Variants in MROH2B observed in about 807,000 individuals in gnomAD.
MROH2B encodes the protein maestro heat like repeat family member 2B.
Under a neutral mutation model 208.6 loss-of-function variants are expected in MROH2B, and 177 were observed. The observed-to-expected ratio is 0.85, with a 90% CI of 0.75 to 0.96. The LOEUF is 0.96. Among genes scored for constraint, MROH2B ranks in the 40% least tolerant of loss-of-function variants. The pLI is 0.00. For missense variants in MROH2B, 2,002 were observed against 1,878.7 expected (o/e 1.07, Z -1.21); for synonymous variants, 728 against 659.0 (o/e 1.10, Z -1.60).
intron 24 of MROH2B, among the ~76,000 whole-genome samples, chr5:41,022,367 G>T (rs62357105): frequency 0.16 from 23,737 of 152,098 alleles, 1,952 homozygotes; most frequent in East Asian, 0.26. Flanking sequence ...TGTGCTTTTC[G>T]CATGGTCTTA....
chr5:41,040,768 C>A (rs781357055), intron 19 of MROH2B, among the ~76,000 whole-genome samples: 1 of 152,054 alleles, frequency 6.6e-6, no homozygotes, highest in African/African-American at 2.4e-5. Flanking sequence ...TGGGTTCACG[C>A]GATTCTCTTG....
intron 30 of MROH2B, among the ~76,000 whole-genome samples, chr5:41,011,906 G>A (rs2111839893): frequency 6.6e-6 from 1 of 152,320 alleles, no homozygotes; most frequent in African/African-American, 2.4e-5. Context: ...GTCCTCAAGT[G>A]ATCCACCTGC....
rs1742330123 is a variant in MROH2B at position 41,025,685 on chromosome 5, T to G, written c.2442-6667A>C. 2.0e-5 allele frequency among the ~76,000 whole-genome samples: 3 copies of G among 152,316 alleles called. No individual in the cohort carries two copies. In the South Asian group the frequency reaches 6.2e-4, roughly 32 times the overall value. On this transcript the variant is annotated intron_variant, in intron 24 of 41. Coordinates refer to ENST00000399564, the MANE Select transcript of MROH2B (RefSeq NM_173489.5). ...AGGGAATCCTCCCTAACTCATTTTA[T>G]GAGGCCAGCATCATCCTGATACCAA... is the stretch of plus-strand genomic sequence containing the variant.
Position 41,038,724 on chromosome 5 carries a change from A to C in MROH2B, c.2214+12T>G. ...AGCCTAGAAATGGAGGCAGCCATGCAACGGGCATTACCTGAGAGCACTGGC... is the reference window on the plus strand; with the variant it reads ...AGCCTAGAAATGGAGGCAGCCATGCCACGGGCATTACCTGAGAGCACTGGC... On this transcript the variant is annotated intron_variant, in intron 21 of 41. Coordinates refer to ENST00000399564, the MANE Select transcript of MROH2B (RefSeq NM_173489.5). The C allele has an allele frequency of 1.9e-6, 3 of 1,594,748 alleles. No homozygotes were observed. Among genetic ancestry groups the C allele is most frequent in the Non-Finnish European group, 2.6e-6 (3 of 1,168,270 alleles).
At chr5:41,038,347 G>C (rs938877147) in intron 21 of MROH2B, among the ~76,000 whole-genome samples, 3 of 152,110 alleles carry the variant, frequency 2.0e-5, no homozygotes, top group Non-Finnish European at 2.9e-5. Flanking sequence ...TGATTGACCT[G>C]GGACAATCAC....
chr5:41,004,745 G>A, intron 36 of MROH2B, 29 bp downstream of exon 36: 1 of 1,599,606 alleles, frequency 6.3e-7, no homozygotes, highest in Non-Finnish European at 8.5e-7. Context: ...CTACTTAAAT[G>A]AACCATTTCC....
In MROH2B at chr5:41,018,671, T is replaced by G. The variant is rs1465575322; in HGVS notation, c.2673+20A>C. 2 of 1,610,610 alleles carry G rather than the reference T, an allele frequency of 1.2e-6. No individual in the cohort carries two copies. Among genetic ancestry groups the G allele is most frequent in the African/African-American group, 1.3e-5 (1 of 74,854 alleles). On this transcript the variant is annotated intron_variant, in intron 26 of 41. Transcript: ENST00000399564. ...AGATTAGGGAGAATGAGAATCAGTT[T>G]GAGTGGAGGCTCTACTCACATTAAA...
At chr5:41,045,609 G>A in intron 18 of MROH2B, 137 bp downstream of exon 18, 1 of 642,172 alleles carries the variant, frequency 1.6e-6, no homozygotes, top group Non-Finnish European at 2.7e-6. Flanking sequence ...TCAGCTAGTG[G>A]CCTTAAAAAG....
At position 40,998,064 on chromosome 5, in the gene MROH2B, G is replaced by A; in HGVS notation, c.4746C>T (p.Ser1582=). 2 of 1,609,458 alleles carry A rather than the reference G, an allele frequency of 1.2e-6. No homozygotes were observed. The highest frequency in any genetic ancestry group is 1.7e-6 in the Non-Finnish European group (2 of 1,176,448). Residue 1582 remains serine, a synonymous_variant, in exon 42 of 42, where the codon AGC becomes AGT. Transcript: ENST00000399564. ...QTLLRRCKET[S]IPL ...ATTTCTTGATGGCTTACAGAGGAAT[G>A]CTTGTCTCTTTACACCTTCTCAGGA...
chr5:41,014,440 G>C (rs1287393334), intron 29 of MROH2B, among the ~76,000 whole-genome samples: 1 of 152,144 alleles, frequency 6.6e-6, no homozygotes, highest in Non-Finnish European at 1.5e-5. Context: ...CCTGTTGTGG[G>C]GTAGGGGGGT....
chr5:41,006,767 T>C (rs1741606767), intron 34 of MROH2B, among the ~76,000 whole-genome samples: 1 of 152,138 alleles, frequency 6.6e-6, no homozygotes, highest in Admixed American at 6.5e-5. Context: ...TTCTGTCTCA[T>C]ATGTGGGAGC....
intron 24 of MROH2B, among the ~76,000 whole-genome samples, chr5:41,019,917 G>A (rs1234717225): frequency 2.0e-5 from 3 of 152,120 alleles, no homozygotes; most frequent in Admixed American, 1.3e-4. Context: ...AAACACTGAT[G>A]GTTATATAAC....
At chr5:41,029,267 C>A (rs1742484047) in intron 24 of MROH2B, among the ~76,000 whole-genome samples, 1 of 152,074 alleles carries the variant, frequency 6.6e-6, no homozygotes, top group Non-Finnish European at 1.5e-5. Context: ...ATTTGCATAT[C>A]TTCTTTTGAG....
chr5:41,000,765 C>A lies in MROH2B; in HGVS notation c.4263G>T (p.Arg1421Ser), dbSNP rs756512493. The change falls in exon 38 of 42, where the codon AGG becomes AGT. Residue 1421 changes from arginine (R) to serine (S), a missense_variant. Physicochemically the swap from Arg to Ser is moderately radical, Grantham distance 110 (BLOSUM62 -1). Transcript: ENST00000399564. ...TTTCTTCAGCAAAAAAAATCTTCCA[C>A]CTTCTTCCTGTTAGGGGTGCCAGGT... Reference protein sequence around the residue: ...FEDLAPLTGRRWKIFFAEEIK... With the variant: ...FEDLAPLTGRSWKIFFAEEIK... 1.9e-6 allele frequency: 3 copies of A among 1,611,304 alleles called. No homozygotes were observed. In the African/African-American group the frequency reaches 4.0e-5, roughly 22 times the overall value.
intron 6 of MROH2B, among the ~76,000 whole-genome samples, chr5:41,059,425 T>C (rs950074975): frequency 2.6e-5 from 4 of 152,216 alleles, no homozygotes; most frequent in Admixed American, 2.0e-4. Flanking sequence ...AATTTTAATT[T>C]CTTAAAAATT....
intron 24 of MROH2B, among the ~76,000 whole-genome samples, chr5:41,024,113 G>A (rs1407791873): frequency 6.6e-6 from 1 of 152,196 alleles, no homozygotes; most frequent in Non-Finnish European, 1.5e-5. Context: ...AGGCTAGGAA[G>A]AAACTGCATC....
chr5:41,008,967 C>G (rs960291043), intron 32 of MROH2B, among the ~76,000 whole-genome samples, 174 bp from the exon 33 acceptor site: 2 of 152,158 alleles, frequency 1.3e-5, no homozygotes, highest in African/African-American at 4.8e-5. Context: ...CTGTGACTGC[C>G]AGGGGACACT....
rs1483032169 is a variant in MROH2B, at chr5:41,000,837, T to C, written c.4195-4A>G. On this transcript the variant is annotated splice_polypyrimidine_tract_variant and splice_region_variant and intron_variant, in intron 37 of 41. Transcript: ENST00000399564. The stretch of plus-strand genomic sequence containing the variant: ...TCAATCTCACATCATCCTGCTCCTG[T>C]GGTGACGAATGCATGTCGTGGTGAA... 9 of 1,607,352 alleles carry C rather than the reference T, an allele frequency of 5.6e-6. No individual in the cohort carries two copies. In the East Asian group the frequency reaches 6.7e-5, roughly 12 times the overall value.
At chr5:41,033,768 C>G (rs1347430574) in intron 22 of MROH2B, 70 bp downstream of exon 22, 2 of 1,238,330 alleles carry the variant, frequency 1.6e-6, no homozygotes, top group African/African-American at 1.5e-5. Flanking sequence ...GCTTGGCACA[C>G]TTCAGGGGGG....
Sources: gnomAD v4.1 joint callset for allele counts (sites outside exome capture counted in the v4.1 genomes callset) on GRCh38, gnomAD v4.1.1 for gene constraint, MANE v1.5 for transcripts, NCBI Gene and HGNC (gene_info 2026-07-23, HGNC 2026-07-21) for gene names.